The following EPM2A variants were observed in gnomAD, a reference collection of about 807,000 sequenced individuals.
The protein encoded by EPM2A is EPM2A glucan phosphatase, laforin.
Under a neutral mutation model 26.5 loss-of-function variants are expected in EPM2A, and 21 were observed. That is an observed-to-expected ratio of 0.79 (90% CI 0.56 to 1.14). The LOEUF (loss-of-function observed/expected upper bound fraction) is 1.14. EPM2A is among the 50% of genes most tolerant of loss of function. The probability of loss-of-function intolerance (pLI) is 0.00; values close to 1 mark genes in which losing one functional copy is unlikely to be tolerated. For missense variants in EPM2A, 458 were observed against 440.8 expected (o/e 1.04, Z -0.35); for synonymous variants, 217 against 177.6 (o/e 1.22, Z -1.76).
chr6:145,687,558 G>GT (rs1405925310), intron 1 of EPM2A, among the ~76,000 whole-genome samples: 1 of 151,946 alleles, frequency 6.6e-6, no homozygotes, highest in Non-Finnish European at 1.5e-5. Flanking sequence ...ATAATGTACT[G>GT]TAAGAAAGAC....
intron 2 of EPM2A, among the ~76,000 whole-genome samples, chr6:145,508,613 A>C (rs1415000736): frequency 2.0e-5 from 3 of 152,230 alleles, no homozygotes; most frequent in African/African-American, 4.8e-5. Context: ...TAGCAAATTA[A>C]AAAGAAATAA....
At chr6:145,431,924 C>A (rs1778926390) in intron 4 of EPM2A, among the ~76,000 whole-genome samples, 1 of 152,172 alleles carries the variant, frequency 6.6e-6, no homozygotes, top group South Asian at 2.1e-4. Flanking sequence ...ATTCTAAATT[C>A]TTTGTTGTCA....
chr6:145,531,560 A>G (rs1780355808), intron 2 of EPM2A, among the ~76,000 whole-genome samples: 1 of 152,202 alleles, frequency 6.6e-6, no homozygotes, highest in African/African-American at 2.4e-5. Flanking sequence ...GTGCGGTTCA[A>G]ATGAATTGTT....
chr6:145,643,948 G>A (rs535030232), intron 2 of EPM2A, among the ~76,000 whole-genome samples: 79 of 152,310 alleles, frequency 5.2e-4, no homozygotes, highest in Non-Finnish European at 9.7e-4. Context: ...ATGCTAAGAT[G>A]TAGATAGTGA....
At chr6:145,689,521 C>A (rs556050562) in intron 1 of EPM2A, among the ~76,000 whole-genome samples, 2 of 152,228 alleles carry the variant, frequency 1.3e-5, no homozygotes, top group South Asian at 4.1e-4. Context: ...TTTCTTTTTG[C>A]CTTATATATC....
At chr6:145,525,813 G>A (rs532163571) in intron 2 of EPM2A, among the ~76,000 whole-genome samples, 2 of 152,070 alleles carry the variant, frequency 1.3e-5, no homozygotes, top group South Asian at 2.1e-4. Context: ...CTCTGGCTAT[G>A]ACTTCTAATA....
intron 2 of EPM2A, among the ~76,000 whole-genome samples, chr6:145,531,763 TGAA>T (rs1470720241): frequency 2.0e-5 from 3 of 152,198 alleles, no homozygotes; most frequent in African/African-American, 7.2e-5. Context: ...GACATTATGC[TGAA>T]GAAGACAAGT....
chr6:145,674,181 C>G (rs1477347174), intron 2 of EPM2A, among the ~76,000 whole-genome samples: 2 of 152,126 alleles, frequency 1.3e-5, no homozygotes, highest in Non-Finnish European at 2.9e-5. Context: ...GAAGCAAACT[C>G]CAACAGACCT....
intron 4 of EPM2A, among the ~76,000 whole-genome samples, chr6:145,402,557 G>A (rs187231570): frequency 5.3e-5 from 8 of 152,208 alleles, no homozygotes; most frequent in Non-Finnish European, 1.0e-4. Flanking sequence ...CCTGATTTTG[G>A]TAATTATAGT....
chr6:145,685,397 A>C (rs886766521), intron 2 of EPM2A, among the ~76,000 whole-genome samples: 1 of 152,128 alleles, frequency 6.6e-6, no homozygotes, highest in Non-Finnish European at 1.5e-5. Context: ...CCTGGTAGGG[A>C]CTGGAGTGGG....
At chr6:145,624,006 GA>G (rs1356133949), downstream of EPM2A, among the ~76,000 whole-genome samples, 1 of 152,206 alleles carries the variant, frequency 6.6e-6, no homozygotes, top group Admixed American at 6.5e-5. Context: ...GCAAAGAACA[GA>G]GTTGTTGTTA....
chr6:145,429,308 C>T (rs1354967396), intron 4 of EPM2A, among the ~76,000 whole-genome samples: 2 of 152,042 alleles, frequency 1.3e-5, no homozygotes, highest in Admixed American at 1.3e-4. Context: ...TTTAATATAT[C>T]TATCAATTAA....
At chr6:145,582,547 G>C (rs1332640315) in intron 2 of EPM2A, among the ~76,000 whole-genome samples, 2 of 152,144 alleles carry the variant, frequency 1.3e-5, no homozygotes, top group African/African-American at 2.4e-5. Context: ...GGTTCCCTTT[G>C]TAAGTCACCT....
At chr6:145,645,846 G>A (rs1194009286) in intron 2 of EPM2A, among the ~76,000 whole-genome samples, 8 of 151,952 alleles carry the variant, frequency 5.3e-5, no homozygotes, top group East Asian at 3.9e-4. Flanking sequence ...CACCCGCCTC[G>A]GCCTCTCAAA....
At chr6:145,686,375 T>G in intron 1 of EPM2A, 79 bp from the exon 2 acceptor site, 1 of 1,123,504 alleles carries the variant, frequency 8.9e-7, no homozygotes, top group East Asian at 2.4e-5. Flanking sequence ...TGATACAAAA[T>G]TAATAGCAAG....
intron 2 of EPM2A, among the ~76,000 whole-genome samples, chr6:145,653,952 C>T (rs948933469): frequency 6.6e-6 from 1 of 152,182 alleles, no homozygotes; most frequent in Non-Finnish European, 1.5e-5. Context: ...ATATTACATG[C>T]GGCCTCCTAG....
Position 145,735,465 on chromosome 6 carries a change from C to A in EPM2A, c.34G>T (p.Ala12Ser). The change falls in exon 1 of 4, where the codon GCC (alanine) becomes TCC (serine). Residue 12 changes from alanine (A) to serine (S), a missense_variant. Transcript: ENST00000367519. ...AGCTCCGGCCGGGCGCCGGCCACGG[C>A]GGGTGGCACCACCACCCCAAAGCGG... is the stretch of plus-strand genomic sequence containing the variant. Reference protein sequence around the residue: ...RFRFGVVVPPAVAGARPELLV... With the variant: ...RFRFGVVVPPSVAGARPELLV... The A allele has an allele frequency of 8.2e-7, 1 of 1,224,752 alleles. No homozygotes were observed. The highest frequency in any genetic ancestry group is 3.2e-5 in the South Asian group (1 of 31,554). 75.9% of individuals were successfully genotyped at this position (1,224,752 alleles called of 1,614,324 possible). A position where few individuals can be genotyped will look rare whatever the true frequency, so the allele number is the denominator to read the frequency against.
chr6:145,532,167 C>A (rs1246087307), intron 2 of EPM2A, among the ~76,000 whole-genome samples: 1 of 152,194 alleles, frequency 6.6e-6, no homozygotes, highest in Non-Finnish European at 1.5e-5. Context: ...GCCTAACAGA[C>A]CTGTTGCTGC....
chr6:145,473,909 G>A (rs961860068), intron 4 of EPM2A, among the ~76,000 whole-genome samples: 1 of 152,124 alleles, frequency 6.6e-6, no homozygotes, highest in Non-Finnish European at 1.5e-5. Context: ...TCCAAGAAAT[G>A]TTAAAGGGAG....
Sources: allele counts gnomAD v4.1 joint callset (sites outside exome capture counted in the v4.1 genomes callset), GRCh38; gene constraint gnomAD v4.1.1; transcripts MANE v1.5; gene names NCBI Gene and HGNC (gene_info 2026-07-23, HGNC 2026-07-21).